Variants in TK1 observed in about 807,000 individuals in gnomAD.
TK1 encodes thymidine kinase 1.
Under a neutral mutation model 22.4 loss-of-function variants are expected in TK1, and 13 were observed. The ratio of observed to expected loss-of-function variants is 0.58; its 90% CI spans 0.38 to 0.92. TK1 has a LOEUF of 0.92. Ranked by LOEUF, TK1 falls within the 40% of genes least tolerant of loss-of-function variation. The pLI is 0.00. For missense variants in TK1, 251 were observed against 315.7 expected, an observed-to-expected ratio of 0.80 and a Z score of 1.55; for synonymous variants, 134 against 125.4, an observed-to-expected ratio of 1.07 and a Z score of -0.46.
At position 78,174,213 on chromosome 17, in the gene TK1, G is replaced by A. The variant is rs1327392917; in HGVS notation, c.*546C>T. ...CAAGGTTGGTGCCACCCATCTTGGT[G>A]AAAGATGCTGTTGTTCCTGTGGAAA... On this transcript the variant is annotated 3_prime_UTR_variant, in exon 7 of 7. Coordinates refer to ENST00000301634, the MANE Select transcript of TK1 (RefSeq NM_003258.5). 1 of 153,268 alleles carries A rather than the reference G, an allele frequency of 6.5e-6. No homozygotes were observed. The highest frequency in any genetic ancestry group is 1.5e-5 in the Non-Finnish European group (1 of 68,818). The allele number at this position is 153,268 out of a possible 1,614,324, so 9.5% of individuals were successfully genotyped here.
At chr17:78,185,204 G>T in intron 2 of TK1, 39 bp from the exon 3 acceptor site, 1 of 1,537,430 alleles carries the variant, frequency 6.5e-7, no homozygotes, top group Non-Finnish European at 9.0e-7. Context: ...TCCACGGCGG[G>T]AGGAGTGGGA....
intron 2 of TK1, among the ~76,000 whole-genome samples, chr17:78,186,097 T>A (rs976992912): frequency 6.8e-6 from 1 of 146,376 alleles, no homozygotes; most frequent in Non-Finnish European, 1.5e-5. Flanking sequence ...CCCAGCTCTA[T>A]AAAAATAAAA....
At chr17:78,186,765 C>T (rs745653366) in intron 2 of TK1, 22 bp downstream of exon 2, 1 of 1,577,128 alleles carries the variant, frequency 6.3e-7, no homozygotes, top group Non-Finnish European at 8.6e-7. Flanking sequence ...GGAGCTCCAC[C>T]CCAGCCCCGC....
chr17:78,179,759 C>T (rs1419366520), intron 4 of TK1: 70 of 985,214 alleles, frequency 7.1e-5, no homozygotes, highest in Non-Finnish European at 8.3e-5. Context: ...ATTTATTCTT[C>T]CTCCAGGGTA....
chr17:78,181,438 C>T (rs867263134), intron 4 of TK1, among the ~76,000 whole-genome samples: 4 of 149,688 alleles, frequency 2.7e-5, no homozygotes, highest in East Asian at 2.0e-4. Flanking sequence ...ACTTGGGAGG[C>T]GAGGTGGGAA....
At chr17:78,178,616 G>C (rs968084443) in intron 4 of TK1, among the ~76,000 whole-genome samples, 1 of 152,162 alleles carries the variant, frequency 6.6e-6, no homozygotes, top group African/African-American at 2.4e-5. Context: ...AGAACTGCTT[G>C]CAATGGGAAG....
chr17:78,180,706 C>G (rs2075732238), intron 4 of TK1, among the ~76,000 whole-genome samples: 1 of 152,230 alleles, frequency 6.6e-6, no homozygotes, highest in East Asian at 1.9e-4. Flanking sequence ...AAAACACACT[C>G]TGGAAGATGG....
At chr17:78,180,133 T>G (rs1433995521) in intron 4 of TK1, among the ~76,000 whole-genome samples, 1 of 152,162 alleles carries the variant, frequency 6.6e-6, no homozygotes, top group Non-Finnish European at 1.5e-5. Flanking sequence ...TGTGCCCAGG[T>G]TCTAGTCTTT....
At chr17:78,184,849 G>A (rs903865952) in intron 3 of TK1, among the ~76,000 whole-genome samples, 6 of 152,080 alleles carry the variant, frequency 3.9e-5, no homozygotes, top group East Asian at 1.9e-4. Context: ...GGACCCTGGC[G>A]GCAAAATCAC....
At chr17:78,178,191 T>A (rs955469002) in intron 4 of TK1, among the ~76,000 whole-genome samples, 1 of 151,968 alleles carries the variant, frequency 6.6e-6, no homozygotes, top group Non-Finnish European at 1.5e-5. Flanking sequence ...TTTAAAAAAA[T>A]AAATCAGAGC....
Position 78,181,177 on chromosome 17 carries a change from G to A in TK1, c.303+1412C>T, listed in dbSNP as rs28489345. ...GCAGAACTGCTTGAACCCAAAAGGC[G>A]GAGGTTGCTGTGAGCTAAGATCACG... On this transcript the variant is annotated intron_variant, in intron 4 of 6. Transcript: ENST00000301634. Among the ~76,000 whole-genome samples, 594 of 152,236 alleles carry A rather than the reference G, an allele frequency of 3.9e-3. 5 individuals carry two copies. Among genetic ancestry groups the A allele is most frequent in the African/African-American group, 0.013 (553 of 41,546 alleles).
At chr17:78,183,262 C>A (rs1007707171) in intron 3 of TK1, among the ~76,000 whole-genome samples, 5 of 152,180 alleles carry the variant, frequency 3.3e-5, no homozygotes, top group Non-Finnish European at 7.3e-5. Flanking sequence ...ACTAGGCCAA[C>A]TTCATCAGGT....
intron 5 of TK1, 133 bp downstream of exon 5, chr17:78,175,396 C>T: frequency 9.1e-7 from 1 of 1,097,306 alleles, no homozygotes; most frequent in Non-Finnish European, 1.3e-6. Context: ...CTTGGCTCAG[C>T]CAAGGCCTGA....
intron 3 of TK1, 144 bp from the exon 4 acceptor site, chr17:78,182,826 C>T: frequency 2.0e-6 from 1 of 500,466 alleles, no homozygotes; most frequent in Non-Finnish European, 3.4e-6. Flanking sequence ...GAAGTTAGCA[C>T]CTATGGGAAA....
intron 4 of TK1, among the ~76,000 whole-genome samples, chr17:78,178,918 T>C (rs1279520795): frequency 6.6e-6 from 1 of 152,206 alleles, no homozygotes; most frequent in Admixed American, 6.5e-5. Context: ...AGAATGCTGA[T>C]GTCTGGGTAG....
chr17:78,175,635 GAGAA>G lies in TK1; in HGVS notation c.304-21_304-18del. 1.2e-6 allele frequency: 2 copies of G among 1,610,298 alleles called. No individual in the cohort carries two copies. The highest frequency in any genetic ancestry group is 1.7e-6 in the Non-Finnish European group (2 of 1,178,362). On this transcript the variant is annotated intron_variant, in intron 4 of 6. Coordinates refer to ENST00000301634, the MANE Select transcript of TK1 (RefSeq NM_003258.5). ...GTCAGGGAACTGGAAAGGGCACGTGGAGAAAGAGTGTGAGAGCTTCCACCCCAGC... is the reference window on the plus strand; with the variant it reads ...GTCAGGGAACTGGAAAGGGCACGTGGAGAGTGTGAGAGCTTCCACCCCAGC...
intron 2 of TK1, 107 bp downstream of exon 2, chr17:78,186,680 A>G (rs28642003): frequency 6.9e-5 from 48 of 693,448 alleles, no homozygotes; most frequent in East Asian, 1.8e-4. Context: ...AAGGGGAGGG[A>G]AGGGAAGGGG....
At chr17:78,182,761 C>G (rs933571558) in intron 3 of TK1, 79 bp from the exon 4 acceptor site, 2 of 1,069,366 alleles carry the variant, frequency 1.9e-6, no homozygotes, top group African/African-American at 1.6e-5. Context: ...ATGGCACTGT[C>G]GTGACCACCT....
In TK1 at chr17:78,187,024, T is replaced by C. The variant is rs2075811719; in HGVS notation, c.-30A>G. Reference sequence around the variant, plus strand: ...CCTCCGGGAAGTTCACGAACCCGAGTACTCTCCAAGGCCGTCCCGCAGTAA... The same window carrying C: ...CCTCCGGGAAGTTCACGAACCCGAGCACTCTCCAAGGCCGTCCCGCAGTAA... On this transcript the variant is annotated 5_prime_UTR_variant, in exon 1 of 7. Transcript: ENST00000301634. 6 of 1,588,306 alleles carry C rather than the reference T, an allele frequency of 3.8e-6. No homozygotes were observed. Among genetic ancestry groups the C allele is most frequent in the Non-Finnish European group, 5.1e-6 (6 of 1,167,432 alleles).
Sources: allele counts gnomAD v4.1 joint callset (sites outside exome capture counted in the v4.1 genomes callset), GRCh38; gene constraint gnomAD v4.1.1; transcripts MANE v1.5; gene names NCBI Gene and HGNC (gene_info 2026-07-23, HGNC 2026-07-21).